Variants in HACD2 observed in about 807,000 individuals in gnomAD.
HACD2 encodes 3-hydroxyacyl-CoA dehydratase 2.
Under a neutral mutation model 31.0 loss-of-function variants are expected in HACD2, and 15 were observed. The observed-to-expected ratio is 0.48, with a 90% CI of 0.32 to 0.75. The LOEUF (loss-of-function observed/expected upper bound fraction) is 0.75. HACD2 is among the 30% of genes least tolerant of loss of function. The pLI, the probability that HACD2 is intolerant of heterozygous loss-of-function variation, is 0.03. For missense variants in HACD2, 283 were observed against 313.0 expected, an observed-to-expected ratio of 0.90 and a Z score of 0.72; for synonymous variants, 115 against 122.2, an observed-to-expected ratio of 0.94 and a Z score of 0.39.
intron 6 of HACD2, among the ~76,000 whole-genome samples, chr3:123,496,224 C>A (rs1413935634): frequency 2.0e-5 from 3 of 152,146 alleles, no homozygotes; most frequent in Non-Finnish European, 4.4e-5. Context: ...AGATCTCCTA[C>A]GTTGCCCAGG....
At chr3:123,522,317 G>A (rs2056225173) in intron 4 of HACD2, among the ~76,000 whole-genome samples, 1 of 113,938 alleles carries the variant, frequency 8.8e-6, no homozygotes. Flanking sequence ...GACAGAGCAG[G>A]ACCCTGTCTC....
At position 123,516,164 on chromosome 3, in the gene HACD2, T is replaced by C. The variant is rs143236164; in HGVS notation, c.381+12222A>G. On this transcript the variant is annotated intron_variant, in intron 4 of 6. Transcript: ENST00000383657. Reference sequence around the variant, plus strand: ...GCTAAACAAAATACTATTCCTATTTTATGAAAAATGTGAGTTATAAAAATA... The same window carrying C: ...GCTAAACAAAATACTATTCCTATTTCATGAAAAATGTGAGTTATAAAAATA... Among the ~76,000 whole-genome samples, 803 of 152,246 alleles carry C rather than the reference T, an allele frequency of 5.3e-3. 2 individuals are homozygous for C. The highest frequency in any genetic ancestry group is 0.019 in the African/African-American group (785 of 41,532).
intron 3 of HACD2, 47 bp from the exon 4 acceptor site, chr3:123,528,521 T>C (rs771117754): frequency 1.8e-6 from 2 of 1,085,574 alleles, no homozygotes; most frequent in African/African-American, 3.1e-5. Context: ...GTACTAAGTT[T>C]CGATATATAA....
intron 3 of HACD2, among the ~76,000 whole-genome samples, chr3:123,536,406 T>C (rs1252536272): frequency 6.6e-6 from 1 of 152,062 alleles, no homozygotes; most frequent in Non-Finnish European, 1.5e-5. Flanking sequence ...TGAAGAGACA[T>C]GGCAACAACA....
intron 4 of HACD2, among the ~76,000 whole-genome samples, chr3:123,503,483 C>T (rs2055932606): frequency 2.0e-5 from 3 of 152,018 alleles, no homozygotes; most frequent in Admixed American, 1.3e-4. Context: ...TTGAAATCCC[C>T]AGTCTCCTCT....
At chr3:123,515,456 T>C (rs1406348268) in intron 4 of HACD2, among the ~76,000 whole-genome samples, 1 of 152,182 alleles carries the variant, frequency 6.6e-6, no homozygotes, top group Non-Finnish European at 1.5e-5. Context: ...GCAACCCAAC[T>C]GCAGTCTCAG....
chr3:123,576,035 T>C (rs1189520472), intron 2 of HACD2, among the ~76,000 whole-genome samples: 6 of 152,174 alleles, frequency 3.9e-5, no homozygotes, highest in Non-Finnish European at 5.9e-5. Flanking sequence ...TCTAGATACA[T>C]TGGTTCTATA....
Position 123,503,964 on chromosome 3 carries a change from A to G in HACD2, c.382-1283T>C, listed in dbSNP as rs1378804049. ...CACAATGAAATAAGTAGTCATTTAC[A>G]TATCTATTAACTAAATTGCTCTGAC... On this transcript the variant is annotated intron_variant, in intron 4 of 6. Coordinates refer to ENST00000383657, the MANE Select transcript of HACD2 (RefSeq NM_198402.5). Among the ~76,000 whole-genome samples the G allele has an allele frequency of 2.0e-4, 30 of 152,218 alleles. 1 individual carries two copies. Among genetic ancestry groups the G allele is most frequent in the Admixed American group, 1.8e-3 (28 of 15,288 alleles).
chr3:123,526,091 C>T (rs1291142292), intron 4 of HACD2, among the ~76,000 whole-genome samples: 1 of 151,690 alleles, frequency 6.6e-6, no homozygotes, highest in Non-Finnish European at 1.5e-5. Context: ...TTCAAGGTGA[C>T]ATATAGCAAG....
At chr3:123,547,562 C>T (rs943708808) in intron 3 of HACD2, among the ~76,000 whole-genome samples, 1 of 152,152 alleles carries the variant, frequency 6.6e-6, no homozygotes, top group Non-Finnish European at 1.5e-5. Context: ...ATATTCCTTA[C>T]CATGTATCAA....
chr3:123,513,985 CAA>C (rs2056099952), intron 4 of HACD2, among the ~76,000 whole-genome samples: 1 of 152,004 alleles, frequency 6.6e-6, no homozygotes, highest in South Asian at 2.1e-4. Flanking sequence ...CATATAAAAA[CAA>C]AGAGAGGCTG....
At chr3:123,575,721 C>G (rs2056901505) in intron 2 of HACD2, among the ~76,000 whole-genome samples, 1 of 152,188 alleles carries the variant, frequency 6.6e-6, no homozygotes, top group South Asian at 2.1e-4. Context: ...ATCCAGGAAC[C>G]TAATATTTCC....
chr3:123,562,411 A>C (rs1472522248), intron 3 of HACD2, among the ~76,000 whole-genome samples: 3 of 152,216 alleles, frequency 2.0e-5, no homozygotes, highest in Non-Finnish European at 4.4e-5. Context: ...AAGGGCCCTG[A>C]AGTGCTCACT....
intron 2 of HACD2, among the ~76,000 whole-genome samples, chr3:123,580,757 C>A (rs1336850365): frequency 3.3e-5 from 5 of 150,924 alleles, no homozygotes; most frequent in African/African-American, 4.9e-5. Flanking sequence ...CCACTGCACT[C>A]CAGCCTGGGC....
In HACD2 at chr3:123,494,759, A is replaced by G; in HGVS notation, c.*129T>C. ...CCATGTGACACTGGATTTTTGTTTT[A>G]GTTTTGTTTGAATATTTTAAAAATA... On this transcript the variant is annotated 3_prime_UTR_variant, in exon 7 of 7. Transcript: ENST00000383657. The G allele has an allele frequency of 1.4e-6, 1 of 708,314 alleles. No individual in the cohort carries two copies. Among genetic ancestry groups the G allele is most frequent in the Non-Finnish European group, 2.4e-6 (1 of 413,388 alleles). 43.9% of individuals were successfully genotyped at this position (708,314 alleles called of 1,614,324 possible). A position where few individuals can be genotyped will look rare whatever the true frequency, so the allele number is the denominator to read the frequency against.
At chr3:123,501,814 T>C (rs1158885929) in intron 5 of HACD2, among the ~76,000 whole-genome samples, 2 of 152,192 alleles carry the variant, frequency 1.3e-5, no homozygotes, top group Non-Finnish European at 2.9e-5. Flanking sequence ...GTTCCCATAC[T>C]CAAAATGTTG....
At chr3:123,543,134 A>T (rs925519907) in intron 3 of HACD2, among the ~76,000 whole-genome samples, 29 of 152,214 alleles carry the variant, frequency 1.9e-4, no homozygotes, top group Non-Finnish European at 1.5e-4. Context: ...TTTAAATTAC[A>T]GACCAATGTA....
At chr3:123,531,198 C>A (rs1034761747) in intron 3 of HACD2, among the ~76,000 whole-genome samples, 4 of 152,184 alleles carry the variant, frequency 2.6e-5, no homozygotes, top group African/African-American at 9.7e-5. Flanking sequence ...GCAAAAACTG[C>A]AATTCAGCTG....
chr3:123,549,910 C>A (rs949929553), intron 3 of HACD2, among the ~76,000 whole-genome samples: 7 of 152,158 alleles, frequency 4.6e-5, no homozygotes, highest in Admixed American at 4.6e-4. Flanking sequence ...GTCTTCAAGG[C>A]ACCCCAGAGT....
Sources: allele counts gnomAD v4.1 joint callset (sites outside exome capture counted in the v4.1 genomes callset), GRCh38; gene constraint gnomAD v4.1.1; transcripts MANE v1.5; gene names NCBI Gene and HGNC (gene_info 2026-07-23, HGNC 2026-07-21).